FHOD3: variants seen among roughly 807,000 people sequenced by gnomAD.
FHOD3 encodes FH1/FH2 domain-containing protein 3.
FHOD3 carries 90 observed loss-of-function variants against 173.0 expected under a neutral mutation model. The observed-to-expected ratio is 0.52, with a 90% CI of 0.44 to 0.62. The LOEUF is 0.62. Ranked by LOEUF, FHOD3 falls within the 20% of genes least tolerant of loss-of-function variation. The probability of loss-of-function intolerance (pLI) is 0.00; values close to 1 mark genes in which losing one functional copy is unlikely to be tolerated. For synonymous variants in FHOD3, 828 were observed against 823.0 expected (o/e 1.01, Z -0.10); for missense variants, 1,945 against 2,034.7 (o/e 0.96, Z 0.85).
chr18:36,604,516 T>C (rs1302781070), intron 8 of FHOD3, among the ~76,000 whole-genome samples: 1 of 152,184 alleles, frequency 6.6e-6, no homozygotes, highest in East Asian at 1.9e-4. Flanking sequence ...TACAGTTAGT[T>C]AACATTGGTG....
At chr18:36,626,114 G>C (rs2034089558) in intron 10 of FHOD3, among the ~76,000 whole-genome samples, 1 of 152,140 alleles carries the variant, frequency 6.6e-6, no homozygotes, top group African/African-American at 2.4e-5. Flanking sequence ...AGGAATGTGG[G>C]GTTGGAAGAG....
intron 2 of FHOD3, among the ~76,000 whole-genome samples, chr18:36,363,965 C>G (rs2046761112): frequency 6.6e-6 from 1 of 152,160 alleles, no homozygotes; most frequent in Admixed American, 6.5e-5. Context: ...ACAAAAGCCA[C>G]TCTAAGAAAA....
intron 5 of FHOD3, among the ~76,000 whole-genome samples, chr18:36,517,480 G>A (rs1413214123): frequency 2.6e-5 from 4 of 152,128 alleles, no homozygotes; most frequent in Admixed American, 6.5e-5. Flanking sequence ...TTGCACATAT[G>A]TACTGTGCTT....
chr18:36,393,331 G>C (rs952972681), intron 3 of FHOD3, among the ~76,000 whole-genome samples: 3 of 152,072 alleles, frequency 2.0e-5, no homozygotes, highest in African/African-American at 7.2e-5. Flanking sequence ...TTCTCTCCAA[G>C]GTTTCTCCAC....
intron 6 of FHOD3, among the ~76,000 whole-genome samples, chr18:36,591,440 C>T (rs12606572): frequency 0.27 from 41,153 of 152,046 alleles, 6,019 homozygotes; most frequent in Admixed American, 0.36. Flanking sequence ...AGGGCTCACT[C>T]CACACAGCAT....
chr18:36,709,289 G>T lies in FHOD3; in HGVS notation c.2431G>T (p.Val811Leu). ...LSEKERQNEGVNERDNCSASS... is the reference protein window; with the variant it reads ...LSEKERQNEGLNERDNCSASS... ...TGAAAAAGAGAGGCAGAACGAGGGG[G>T]TGAACGAGAGGGACAACTGCTCTGC... Residue 811 changes from valine to leucine, a missense_variant, in exon 18 of 29, where the codon GTG (valine) becomes TTG (leucine). This residue lies in a region of FHOD3 where 1,099 missense variants were observed against 1,051.2 expected (regional missense o/e 1.05). Transcript: ENST00000590592. 6.2e-7 allele frequency: 1 copy of T among 1,614,264 alleles called. No homozygotes were observed. Among genetic ancestry groups the T allele is most frequent in the Non-Finnish European group, 8.5e-7 (1 of 1,180,052 alleles).
intron 4 of FHOD3, among the ~76,000 whole-genome samples, chr18:36,503,933 T>C (rs970766635): frequency 1.4e-4 from 21 of 152,192 alleles, no homozygotes; most frequent in Non-Finnish European, 4.4e-5. Flanking sequence ...CTGCGACTTA[T>C]TGATTGATTG....
Position 36,717,864 on chromosome 18 carries a change from G to A in FHOD3, c.2566G>A (p.Val856Ile). Reference protein sequence around the residue: ...LWPAGVQDAGVNGQCGDILTN... With the variant: ...LWPAGVQDAGINGQCGDILTN... ...GCCCGCAGGTGTCCAGGATGCAGGT[G>A]TAAATGGACAGTGTGGCGACATCCT... Residue 856 changes from valine (V) to isoleucine (I), a missense_variant, in exon 19 of 29, where the codon GTA becomes ATA. Transcript: ENST00000590592. 2 of 1,602,672 alleles carry A rather than the reference G, an allele frequency of 1.2e-6. No homozygotes were observed. The highest frequency in any genetic ancestry group is 1.7e-6 in the Non-Finnish European group (2 of 1,173,842).
chr18:36,346,254 T>C (rs1398918631), intron 1 of FHOD3, among the ~76,000 whole-genome samples: 1 of 152,104 alleles, frequency 6.6e-6, no homozygotes, highest in Non-Finnish European at 1.5e-5. Context: ...CAGTCCCAGC[T>C]ACTTGGGGGG....
chr18:36,549,121 A>G (rs1352639829), intron 5 of FHOD3, among the ~76,000 whole-genome samples: 1 of 152,202 alleles, frequency 6.6e-6, no homozygotes, highest in Non-Finnish European at 1.5e-5. Flanking sequence ...CCATTCTACT[A>G]GGTAAGTAGT....
At chr18:36,427,277 T>A (rs956475468) in intron 3 of FHOD3, among the ~76,000 whole-genome samples, 6 of 143,438 alleles carry the variant, frequency 4.2e-5, no homozygotes, top group African/African-American at 1.6e-4. Context: ...AGAACTGATC[T>A]TGCTTCTCTA....
chr18:36,649,206 C>G, intron 10 of FHOD3, 110 bp from the exon 11 acceptor site: 60 of 567,334 alleles, frequency 1.1e-4, no homozygotes, highest in East Asian at 1.1e-4. Context: ...ATTATTATTT[C>G]GTTGTTGTTG....
chr18:36,307,151 A>G (rs966302675), intron 1 of FHOD3, among the ~76,000 whole-genome samples: 4 of 151,612 alleles, frequency 2.6e-5, no homozygotes, highest in African/African-American at 9.7e-5. Flanking sequence ...TTTAGTAGAG[A>G]TGGGGTTTCA....
chr18:36,515,371 C>CCA (rs1256115219), intron 5 of FHOD3, among the ~76,000 whole-genome samples: 1 of 152,156 alleles, frequency 6.6e-6, no homozygotes, highest in African/African-American at 2.4e-5. Flanking sequence ...GCGCCTGCCA[C>CCA]CACACCTGCC....
intron 8 of FHOD3, among the ~76,000 whole-genome samples, chr18:36,608,367 A>G (rs1023491406): frequency 1.3e-5 from 2 of 152,218 alleles, no homozygotes; most frequent in African/African-American, 4.8e-5. Context: ...TCATCCATTT[A>G]CCAGGAAACT....
At chr18:36,678,268 A>G (rs1036734862) in intron 14 of FHOD3, among the ~76,000 whole-genome samples, 3 of 152,136 alleles carry the variant, frequency 2.0e-5, no homozygotes, top group Non-Finnish European at 2.9e-5. Flanking sequence ...GGCCAGGTAT[A>G]GTGGCTCATG....
chr18:36,682,078 C>T (rs1290332428), intron 15 of FHOD3, among the ~76,000 whole-genome samples: 1 of 152,198 alleles, frequency 6.6e-6, no homozygotes, highest in East Asian at 1.9e-4. Flanking sequence ...CCCCCGATCT[C>T]CTGGTCTCTG....
At chr18:36,511,322 G>GGT (rs1390726130) in intron 4 of FHOD3, among the ~76,000 whole-genome samples, 1 of 151,212 alleles carries the variant, frequency 6.6e-6, no homozygotes, top group African/African-American at 2.4e-5. Flanking sequence ...AAAATGACTG[G>GGT]GTTTGGGTCT....
chr18:36,335,443 C>T (rs376098249), intron 1 of FHOD3, among the ~76,000 whole-genome samples: 1 of 149,356 alleles, frequency 6.7e-6, no homozygotes, highest in Non-Finnish European at 1.5e-5. Flanking sequence ...TGCAGTGAGC[C>T]GAGATCGCGC....
Sources: allele counts gnomAD v4.1 joint callset (sites outside exome capture counted in the v4.1 genomes callset), GRCh38; gene constraint gnomAD v4.1.1; regional missense constraint gnomAD v4.1.1; transcripts MANE v1.5; gene names NCBI Gene and HGNC (gene_info 2026-07-23, HGNC 2026-07-21).